The following VAV3 variants were observed in gnomAD, a reference collection of about 807,000 sequenced individuals.
The protein encoded by VAV3 is vav guanine nucleotide exchange factor 3, also known as guanine nucleotide exchange factor VAV3.
A neutral mutation model predicts 131.2 loss-of-function variants in VAV3; 94 were observed. The ratio of observed to expected loss-of-function variants is 0.72; its 90% CI spans 0.61 to 0.85. VAV3 has a LOEUF of 0.85. VAV3 is among the 40% of genes least tolerant of loss of function. VAV3 has a pLI of 0.00. For missense variants in VAV3, 939 were observed against 1,002.7 expected, an observed-to-expected ratio of 0.94 and a Z score of 0.86; for synonymous variants, 349 against 342.0, an observed-to-expected ratio of 1.02 and a Z score of -0.22.
intron 2 of VAV3, among the ~76,000 whole-genome samples, chr1:107,822,658 AAATAAAT>A (rs561658917): frequency 0.018 from 4 of 222 alleles, no homozygotes; most frequent in South Asian, 0.17. Flanking sequence ...ATCTCAAAAA[AAATAAAT>A]AAATAAATAA....
At chr1:107,629,028 A>G (rs1654246328) in intron 20 of VAV3, among the ~76,000 whole-genome samples, 1 of 152,172 alleles carries the variant, frequency 6.6e-6, no homozygotes, top group South Asian at 2.1e-4. Context: ...ATAAAAATAT[A>G]TATTATTTTT....
chr1:107,665,707 C>A (rs1261396422), intron 19 of VAV3, among the ~76,000 whole-genome samples: 1 of 152,180 alleles, frequency 6.6e-6, no homozygotes, highest in Non-Finnish European at 1.5e-5. Flanking sequence ...CTGCTGAGGG[C>A]AGAGCCAGTG....
At chr1:107,849,510 A>G (rs1571039895) in intron 2 of VAV3, among the ~76,000 whole-genome samples, 1 of 152,318 alleles carries the variant, frequency 6.6e-6, no homozygotes, top group Middle Eastern at 3.4e-3. Context: ...TGGTGTTGGG[A>G]AAACTGGCTA....
At position 107,798,452 on chromosome 1, in the gene VAV3, C is replaced by T. The variant is rs552040561; in HGVS notation, c.322-18960G>A. Reference sequence around the variant, plus strand: ...CATGCACCGAGGCCAGGCGTGGTGGCTCATGCCTGTAATCCTAGCACTTTG... The same window carrying T: ...CATGCACCGAGGCCAGGCGTGGTGGTTCATGCCTGTAATCCTAGCACTTTG... On this transcript the variant is annotated intron_variant, in intron 2 of 26. Coordinates refer to ENST00000370056, the MANE Select transcript of VAV3 (RefSeq NM_006113.5). 4.6e-5 allele frequency among the ~76,000 whole-genome samples: 7 copies of T among 152,018 alleles called. No homozygotes were observed. The East Asian group carries it at 5.8e-4, about 13-fold the overall frequency.
chr1:107,722,143 C>T (rs140872150), intron 15 of VAV3, among the ~76,000 whole-genome samples: 148 of 152,226 alleles, frequency 9.7e-4, no homozygotes, highest in African/African-American at 3.2e-3. Context: ...TTAAGAGTTT[C>T]GGAGTATGCA....
At chr1:107,800,269 A>G (rs1044122293) in intron 2 of VAV3, among the ~76,000 whole-genome samples, 1 of 149,726 alleles carries the variant, frequency 6.7e-6, no homozygotes, top group Non-Finnish European at 1.5e-5. Context: ...AGGAATCTCC[A>G]AACAGTTTTC....
At chr1:107,852,400 G>A (rs1571044233) in intron 2 of VAV3, among the ~76,000 whole-genome samples, 1 of 152,056 alleles carries the variant, frequency 6.6e-6, no homozygotes, top group East Asian at 1.9e-4. Flanking sequence ...AATAGAAAAG[G>A]AATAAAAACC....
intron 19 of VAV3, among the ~76,000 whole-genome samples, chr1:107,647,052 T>G (rs1375597892): frequency 6.6e-6 from 1 of 151,576 alleles, no homozygotes; most frequent in East Asian, 1.9e-4. Flanking sequence ...TCACATAAAC[T>G]TTCAAACTTC....
chr1:107,850,436 C>T (rs1161751774), intron 2 of VAV3, among the ~76,000 whole-genome samples: 1 of 152,136 alleles, frequency 6.6e-6, no homozygotes, highest in Non-Finnish European at 1.5e-5. Flanking sequence ...ATGGTTGAAG[C>T]TGGAAACCAT....
At chr1:107,892,869 T>C (rs1671378582) in intron 1 of VAV3, among the ~76,000 whole-genome samples, 1 of 152,292 alleles carries the variant, frequency 6.6e-6, no homozygotes, top group East Asian at 1.9e-4. Flanking sequence ...ATTTTAAATG[T>C]CAGCAATAAT....
chr1:107,781,402 C>T (rs1055126167), intron 2 of VAV3, among the ~76,000 whole-genome samples: 1 of 152,238 alleles, frequency 6.6e-6, no homozygotes, highest in Admixed American at 6.5e-5. Context: ...TAAGCGTTCT[C>T]ACCACAATAA....
intron 19 of VAV3, among the ~76,000 whole-genome samples, chr1:107,664,086 T>C (rs539752044): frequency 1.3e-5 from 2 of 152,276 alleles, no homozygotes; most frequent in African/African-American, 4.8e-5. Flanking sequence ...TTTTTTCTTC[T>C]CTTTCTTAAT....
chr1:107,894,053 T>C (rs141154860), intron 1 of VAV3, among the ~76,000 whole-genome samples: 219 of 152,348 alleles, frequency 1.4e-3, no homozygotes, highest in East Asian at 8.9e-3. Context: ...CACAGAATAC[T>C]GATTGGGGCT....
At chr1:107,932,157 T>C (rs1673468681) in intron 1 of VAV3, among the ~76,000 whole-genome samples, 1 of 152,212 alleles carries the variant, frequency 6.6e-6, no homozygotes, top group Non-Finnish European at 1.5e-5. Context: ...TGTTACTTTA[T>C]GTGCTGGTAA....
chr1:107,755,841 C>T (rs896692136), intron 11 of VAV3, among the ~76,000 whole-genome samples: 11 of 152,120 alleles, frequency 7.2e-5, no homozygotes, highest in Non-Finnish European at 1.0e-4. Flanking sequence ...AAATTCCAAG[C>T]ACGTTAATTA....
At chr1:107,865,262 G>A (rs921715862) in intron 2 of VAV3, among the ~76,000 whole-genome samples, 4 of 152,174 alleles carry the variant, frequency 2.6e-5, no homozygotes, top group Non-Finnish European at 4.4e-5. Context: ...GCAGGGGGAA[G>A]GTCCCAGTTG....
chr1:107,740,004 T>C (rs1454185930), intron 15 of VAV3, among the ~76,000 whole-genome samples: 2 of 152,216 alleles, frequency 1.3e-5, no homozygotes, highest in African/African-American at 4.8e-5. Context: ...CAATGCTTCT[T>C]GGCTGGGCAT....
intron 1 of VAV3, among the ~76,000 whole-genome samples, chr1:107,899,250 G>A (rs1331733695): frequency 6.6e-6 from 1 of 152,114 alleles, no homozygotes; most frequent in Non-Finnish European, 1.5e-5. Flanking sequence ...ATATAGAAGA[G>A]AGTGTCAAGG....
In VAV3 at chr1:107,963,028, A is replaced by G. The variant is rs12083038; in HGVS notation, c.204+1638T>C. Among the ~76,000 whole-genome samples the G allele has an allele frequency of 4.0e-3, 603 of 152,326 alleles. 1 individual carries two copies. Among genetic ancestry groups the G allele is most frequent in the African/African-American group, 0.013 (558 of 41,564 alleles). Reference sequence around the variant, plus strand: ...TCAGAAAGATTAAATTACATCTAACATAAGAGGAGAAGAGTGAAACACATT... The same window carrying G: ...TCAGAAAGATTAAATTACATCTAACGTAAGAGGAGAAGAGTGAAACACATT... On this transcript the variant is annotated intron_variant, in intron 1 of 26. Coordinates refer to ENST00000370056, the MANE Select transcript of VAV3 (RefSeq NM_006113.5).
Sources: allele counts gnomAD v4.1 joint callset (sites outside exome capture counted in the v4.1 genomes callset), GRCh38; gene constraint gnomAD v4.1.1; transcripts MANE v1.5; gene names NCBI Gene and HGNC (gene_info 2026-07-23, HGNC 2026-07-21).